SANBR: variants seen among roughly 807,000 people sequenced by gnomAD.
SANBR encodes the protein SANT and BTB domain regulator of class switch recombination.
In SANBR, 77 loss-of-function variants were observed where a neutral mutation model predicts 101.8. The ratio of observed to expected loss-of-function variants is 0.76; its 90% CI spans 0.63 to 0.91. The LOEUF (loss-of-function observed/expected upper bound fraction) is 0.91, where lower values mean the gene tolerates loss of function less well. Among genes scored for constraint, SANBR ranks in the 40% least tolerant of loss-of-function variants. The pLI, the probability that SANBR is intolerant of heterozygous loss-of-function variation, is 0.00. For synonymous variants in SANBR, 279 were observed against 274.7 expected (o/e 1.02, Z -0.15); for missense variants, 875 against 853.0 (o/e 1.03, Z -0.32).
chr2:61,134,716 C>T (rs915531704), intron 21 of SANBR, among the ~76,000 whole-genome samples: 2 of 150,672 alleles, frequency 1.3e-5, no homozygotes, highest in African/African-American at 4.9e-5. Context: ...CATGGTGAAA[C>T]CCCCGTCTCT....
rs148837286 is a variant in SANBR at position 61,083,196 on chromosome 2, A to G, written c.772A>G (p.Ile258Val). ...IQYCHKNMNA[I>V]VATPCNMNCI... is the part of the protein sequence containing the mutation. ...GTATTGCCACAAAAATATGAATGCC[A>G]TAGTAGCTACCCCATGCAACATGAA... is the stretch of plus-strand genomic sequence containing the variant. Residue 258 changes from isoleucine to valine, a missense_variant, in exon 8 of 22, where the codon ATA (isoleucine) becomes GTA (valine). Transcript: ENST00000402291. 2.5e-6 allele frequency: 4 copies of G among 1,612,530 alleles called. No individual in the cohort carries two copies. Among genetic ancestry groups the G allele is most frequent in the East Asian group, 4.5e-5 (2 of 44,818 alleles).
chr2:61,085,610 A>G (rs1682384159), intron 8 of SANBR, among the ~76,000 whole-genome samples: 1 of 151,906 alleles, frequency 6.6e-6, no homozygotes, highest in Non-Finnish European at 1.5e-5. Context: ...TCCCAGGTTC[A>G]AGCAATTCTC....
At chr2:61,097,678 A>AT (rs1419520975) in intron 11 of SANBR, 22 bp from the exon 12 acceptor site, 1 of 1,533,430 alleles carries the variant, frequency 6.5e-7, no homozygotes, top group South Asian at 1.2e-5. Flanking sequence ...ATAGTAGTTG[A>AT]TTTTATCTAT....
At chr2:61,124,668 TGC>T (rs1684461829), downstream of SANBR, among the ~76,000 whole-genome samples, 1 of 150,192 alleles carries the variant, frequency 6.7e-6, no homozygotes, top group Non-Finnish European at 1.5e-5. Flanking sequence ...ATTGTGCCAC[TGC>T]ACTCCAGCCT....
rs138647680 is a variant in SANBR, at chr2:61,080,627, A to G, written c.671-825A>G. Among the ~76,000 whole-genome samples the G allele has an allele frequency of 2.7e-3, 406 of 152,228 alleles. 2 individuals carry two copies. The highest frequency in any genetic ancestry group is 8.3e-3 in the African/African-American group (344 of 41,558). On this transcript the variant is annotated intron_variant, in intron 6 of 21. Coordinates refer to ENST00000402291, the MANE Select transcript of SANBR (RefSeq NM_001129993.3). ...TCCCAGCTACTCAGGAGGCTAATGC[A>G]GGAGACTGTCATTAACCCGGGAGGC...
At chr2:61,115,349 T>A (rs865844073) in intron 16 of SANBR, among the ~76,000 whole-genome samples, 104 of 151,260 alleles carry the variant, frequency 6.9e-4, no homozygotes, top group African/African-American at 2.2e-3. Context: ...TATATATATT[T>A]TTTTTTTGAG....
downstream of SANBR, among the ~76,000 whole-genome samples, chr2:61,125,783 C>T (rs1277824985): frequency 6.6e-6 from 1 of 152,174 alleles, no homozygotes; most frequent in Non-Finnish European, 1.5e-5. Flanking sequence ...CCTTTAGCCT[C>T]ACAACGCCCG....
In SANBR at chr2:61,083,215, A is replaced by G. The variant is rs1245242922; in HGVS notation, c.791A>G (p.Asn264Ser). 2 of 1,611,478 alleles carry G rather than the reference A, an allele frequency of 1.2e-6. No homozygotes were observed. Among genetic ancestry groups the G allele is most frequent in the South Asian group, 1.1e-5 (1 of 91,034 alleles). The change falls in exon 8 of 22, where the codon AAC becomes AGC. Residue 264 changes from asparagine to serine, a missense_variant. Transcript: ENST00000402291. ...NMNAIVATPC[N>S]MNCINANLLT... ...AATGCCATAGTAGCTACCCCATGCA[A>G]CATGAACTGTATTAATGCAAATCTT... is the stretch of plus-strand genomic sequence containing the variant.
intron 12 of SANBR, among the ~76,000 whole-genome samples, 168 bp downstream of exon 12, chr2:61,098,020 T>C (rs1177268587): frequency 6.6e-6 from 1 of 151,584 alleles, no homozygotes; most frequent in Non-Finnish European, 1.5e-5. Flanking sequence ...GTTAATGGTT[T>C]CCTTTTAGAC....
chr2:61,133,881 G>C (rs1236157928), intron 20 of SANBR, among the ~76,000 whole-genome samples: 1 of 152,206 alleles, frequency 6.6e-6, no homozygotes, highest in African/African-American at 2.4e-5. Context: ...GGTTGCATAA[G>C]TCTGAGAGTA....
intron 13 of SANBR, among the ~76,000 whole-genome samples, chr2:61,104,690 T>C (rs990940497): frequency 1.3e-5 from 2 of 152,142 alleles, no homozygotes; most frequent in African/African-American, 4.8e-5. Flanking sequence ...TATGAACTTC[T>C]CAAATTCAGT....
downstream of SANBR, among the ~76,000 whole-genome samples, chr2:61,125,279 A>G (rs1054364711): frequency 1.3e-5 from 2 of 152,206 alleles, no homozygotes; most frequent in African/African-American, 2.4e-5. Context: ...TGTGGAAGGT[A>G]GCCTAAATTC....
At chr2:61,108,273 C>T (rs763125928) in intron 14 of SANBR, 44 bp from the exon 15 acceptor site, 16 of 1,310,514 alleles carry the variant, frequency 1.2e-5, no homozygotes, top group Non-Finnish European at 1.7e-5. Flanking sequence ...GAGCTGCAAT[C>T]TAGGTAAATG....
intron 16 of SANBR, among the ~76,000 whole-genome samples, chr2:61,110,413 C>T (rs1459892856): frequency 1.3e-5 from 2 of 152,028 alleles, no homozygotes; most frequent in African/African-American, 4.8e-5. Flanking sequence ...GGCACGATGG[C>T]TCATGCCTGT....
chr2:61,115,978 G>T lies in SANBR; in HGVS notation c.1745-1G>T. The T allele has an allele frequency of 6.3e-7, 1 of 1,598,446 alleles. No individual in the cohort carries two copies. Among genetic ancestry groups the T allele is most frequent in the South Asian group, 1.1e-5 (1 of 89,692 alleles). ...TTATAACATTGTCTTCTCATTATCA[G>T]GGAAAAAGGAGAAGCCAAAGAAGTT... is the stretch of plus-strand genomic sequence containing the variant. On this transcript the variant is annotated splice_acceptor_variant, in intron 16 of 21. Coordinates refer to ENST00000402291, the MANE Select transcript of SANBR (RefSeq NM_001129993.3). LOFTEE classifies it high-confidence loss of function.
Position 61,109,289 on chromosome 2 carries a change from G to C in SANBR, c.1737G>C (p.Lys579Asn), listed in dbSNP as rs1414839806. The change falls in exon 16 of 22, where the codon AAG (lysine) becomes AAC (asparagine). Residue 579 changes from lysine to asparagine, a missense_variant. By Grantham distance (94) the Lys-to-Asn change is moderately conservative (BLOSUM62 0). Transcript: ENST00000402291. ...DEVGDEEEVSKKQRKKEKPKK... is the reference protein window; with the variant it reads ...DEVGDEEEVSNKQRKKEKPKK... ...TTGGAGATGAAGAAGAAGTATCCAA[G>C]AAACAAAGTATTGGTTTATAAGTTA... is the stretch of plus-strand genomic sequence containing the variant. The C allele has an allele frequency of 2.6e-6, 4 of 1,541,910 alleles. No homozygotes were observed. In the East Asian group the frequency reaches 9.2e-5, roughly 36 times the overall value.
At chr2:61,085,550 A>G (rs916375089) in intron 8 of SANBR, among the ~76,000 whole-genome samples, 1 of 151,438 alleles carries the variant, frequency 6.6e-6, no homozygotes, top group East Asian at 1.9e-4. Flanking sequence ...CACTCTTGTC[A>G]CCCAGGCTGG....
chr2:61,088,889 A>G, intron 10 of SANBR: 1 of 922,176 alleles, frequency 1.1e-6, no homozygotes, highest in Non-Finnish European at 1.3e-6. Flanking sequence ...GAATGGGATA[A>G]CATCTTTTCT....
intron 4 of SANBR, among the ~76,000 whole-genome samples, chr2:61,073,110 C>T (rs959317612): frequency 2.0e-5 from 3 of 151,882 alleles, no homozygotes; most frequent in Non-Finnish European, 4.4e-5. Context: ...CTGAGTGTAG[C>T]GAGTTATTTT....
Sources: gnomAD v4.1 joint callset for allele counts (sites outside exome capture counted in the v4.1 genomes callset) on GRCh38, gnomAD v4.1.1 for gene constraint, MANE v1.5 for transcripts, NCBI Gene and HGNC (gene_info 2026-07-23, HGNC 2026-07-21) for gene names.